ABR: variants seen among roughly 807,000 people sequenced by gnomAD.
ABR encodes the protein ABR activator of RhoGEF and GTPase, also known as active breakpoint cluster region-related protein.
ABR carries 35 observed loss-of-function variants against 107.2 expected under a neutral mutation model. The ratio of observed to expected loss-of-function variants is 0.33; its 90% CI spans 0.25 to 0.43. The LOEUF is 0.43. Among genes scored for constraint, ABR ranks in the 20% least tolerant of loss-of-function variants. ABR has a pLI of 1.00. For missense variants in ABR, 815 were observed against 1,115.2 expected, an observed-to-expected ratio of 0.73 and a Z score of 3.83; for synonymous variants, 498 against 462.0, an observed-to-expected ratio of 1.08 and a Z score of -1.00.
intron 16 of ABR, among the ~76,000 whole-genome samples, chr17:1,034,693 C>T (rs1053137651): frequency 6.6e-5 from 10 of 152,250 alleles, no homozygotes; most frequent in Middle Eastern, 3.4e-3. Flanking sequence ...ATGTAACTGG[C>T]TGGTAGGATG....
Position 1,156,830 on chromosome 17 carries a change from G to C in ABR, c.61+22837C>G, listed in dbSNP as rs199827250. On this transcript the variant is annotated intron_variant, in intron 1 of 22. Transcript: ENST00000302538. ...GATGGACTAACTTGCTCATAGTCAC[G>C]TAGTTACTTAATGGTGAGGCTGGGA... Among the ~76,000 whole-genome samples, 18 of 152,304 alleles carry C rather than the reference G, an allele frequency of 1.2e-4. No individual in the cohort carries two copies. In the East Asian group the frequency reaches 2.9e-3, roughly 24 times the overall value.
At chr17:1,097,886 C>T (rs1439221847) in intron 3 of ABR, among the ~76,000 whole-genome samples, 5 of 152,140 alleles carry the variant, frequency 3.3e-5, no homozygotes, top group African/African-American at 1.2e-4. Flanking sequence ...TTTGCCTGTC[C>T]TCCTTTCTTC....
At chr17:1,187,613 G>T (rs2042336593), upstream of ABR, among the ~76,000 whole-genome samples, 1 of 152,188 alleles carries the variant, frequency 6.6e-6, no homozygotes, top group Non-Finnish European at 1.5e-5. Context: ...AAATGGGCCG[G>T]GTGTGGCAGC....
intron 1 of ABR, among the ~76,000 whole-genome samples, chr17:1,139,830 GA>G (rs1475092908): frequency 6.6e-6 from 1 of 152,130 alleles, no homozygotes; most frequent in Non-Finnish European, 1.5e-5. Flanking sequence ...GGGCTGCCCT[GA>G]GGGGTTCATA....
chr17:1,071,301 C>T lies in ABR; in HGVS notation c.895-1211G>A, dbSNP rs564834171. On this transcript the variant is annotated intron_variant, in intron 8 of 22. Coordinates refer to ENST00000302538, the MANE Select transcript of ABR (RefSeq NM_021962.5). The surrounding 1 kb of genome is among the most constrained non-coding windows in gnomAD (Gnocchi z 5.1). ...AGCCGCACGGAATCGGCTCTCTCTG[C>T]CCAGTGGACACTGTCCAGGCCTGTC... Among the ~76,000 whole-genome samples the T allele has an allele frequency of 6.6e-6, 1 of 152,306 alleles. No homozygotes were observed. The highest frequency in any genetic ancestry group is 1.9e-4 in the East Asian group (1 of 5,186).
chr17:1,057,779 G>T, intron 12 of ABR, 191 bp downstream of exon 12: 1 of 565,926 alleles, frequency 1.8e-6, no homozygotes, highest in Non-Finnish European at 3.2e-6. Context: ...AAATCATCAT[G>T]TCTTTCAGCC....
At chr17:1,174,327 ACAAG>A (rs2041849023) in intron 1 of ABR, among the ~76,000 whole-genome samples, 2 of 152,212 alleles carry the variant, frequency 1.3e-5, no homozygotes, top group Admixed American at 1.3e-4. Context: ...TATTCCGAAA[ACAAG>A]CAAGCATCTG....
intron 1 of ABR, among the ~76,000 whole-genome samples, chr17:1,149,066 TA>T: frequency 6.6e-6 from 1 of 151,166 alleles, no homozygotes; most frequent in South Asian, 2.1e-4. Flanking sequence ...CATGCCTGGC[TA>T]AATTTTTTTG....
chr17:1,146,826 CACG>C (rs1322729702), intron 1 of ABR, among the ~76,000 whole-genome samples: 15 of 148,862 alleles, frequency 1.0e-4, no homozygotes, highest in African/African-American at 2.7e-4. Context: ...ACCACTGCCA[CACG>C]ACACCACTGC....
chr17:1,218,946 C>A (rs996006102), intron 1 of ABR, among the ~76,000 whole-genome samples: 2 of 152,160 alleles, frequency 1.3e-5, no homozygotes, highest in African/African-American at 4.8e-5. Context: ...GCCTTCCACC[C>A]TCACAAATGA....
chr17:1,072,932 G>A (rs924792726), intron 7 of ABR, among the ~76,000 whole-genome samples, 178 bp from the exon 8 acceptor site: 1 of 152,194 alleles, frequency 6.6e-6, no homozygotes, highest in Non-Finnish European at 1.5e-5. Context: ...TGAAATCCCA[G>A]CACTTTGGGA....
intron 1 of ABR, among the ~76,000 whole-genome samples, chr17:1,132,498 C>A (rs1389656134): frequency 6.6e-6 from 1 of 151,604 alleles, no homozygotes. Context: ...CCCGTCTCAG[C>A]CTCCCGAGTA....
intron 16 of ABR, among the ~76,000 whole-genome samples, chr17:1,033,081 A>G (rs530936149): frequency 1.3e-5 from 2 of 152,326 alleles, no homozygotes; most frequent in African/African-American, 4.8e-5. Context: ...TGGTGCTCAC[A>G]AGCACTGTGC....
intron 12 of ABR, 93 bp downstream of exon 12, chr17:1,057,877 A>G: frequency 8.4e-7 from 1 of 1,189,868 alleles, no homozygotes; most frequent in East Asian, 2.3e-5. Context: ...CGAGGGCCAA[A>G]GACGTGATAC....
chr17:1,093,443 T>G (rs544487432), intron 3 of ABR, among the ~76,000 whole-genome samples: 66 of 152,256 alleles, frequency 4.3e-4, no homozygotes, highest in African/African-American at 1.6e-3. Flanking sequence ...CACTCCAGCC[T>G]GGGTGACAGA....
rs568746554 is a variant in ABR, at chr17:1,019,690, C to T, written c.1792-6526G>A. Among the ~76,000 whole-genome samples, 7 of 152,400 alleles carry T rather than the reference C, an allele frequency of 4.6e-5. No homozygotes were observed. The South Asian group carries it at 8.3e-4, about 18-fold the overall frequency. ...AGAGAAACGCTGCTGCCCGCAACTG[C>T]GCTGGCTATTTATAACTCCTGGGAA... On this transcript the variant is annotated intron_variant, in intron 16 of 22. Transcript: ENST00000302538.
In ABR at chr17:1,004,253, C is replaced by G. The variant is rs1406244647; in HGVS notation, c.*1827G>C. The G allele has an allele frequency of 6.6e-6, 1 of 152,358 alleles. No individual in the cohort carries two copies. 9.4% of individuals were successfully genotyped at this position (152,358 alleles called of 1,614,324 possible). On this transcript the variant is annotated 3_prime_UTR_variant, in exon 23 of 23. Coordinates refer to ENST00000302538, the MANE Select transcript of ABR (RefSeq NM_021962.5). ...CCGCCTTTCCCAGGGAGCAAGGGCT[C>G]CTTGCTAAGCTGCTCACAGGCAGCC...
chr17:1,042,323 C>T (rs1056810240), intron 16 of ABR, among the ~76,000 whole-genome samples: 3 of 149,730 alleles, frequency 2.0e-5, no homozygotes, highest in East Asian at 2.0e-4. Flanking sequence ...GCTACATCCA[C>T]AAACGGATGA....
At position 1,037,046 on chromosome 17, in the gene ABR, TCCATCCATCCAC is replaced by T. The variant is rs200700549; in HGVS notation, c.1791+12992_1791+13003del. 0.021 allele frequency among the ~76,000 whole-genome samples: 2,759 copies of T among 132,452 alleles called. 77 individuals carry two copies. Among genetic ancestry groups the T allele is most frequent in the African/African-American group, 0.071 (2,359 of 33,282 alleles). The allele number at this position is 132,452 out of a possible 152,430, so 86.9% of individuals were successfully genotyped here. A position where few individuals can be genotyped will look rare whatever the true frequency, so the allele number is the denominator to read the frequency against. On this transcript the variant is annotated intron_variant, in intron 16 of 22. Transcript: ENST00000302538. This position sits in a 1 kb window ranked among gnomAD's most constrained non-coding sequence, Gnocchi z 4.6. Reference sequence around the variant, plus strand: ...TTCCTTCCATCCATCCACCCATCCATCCATCCATCCACCCATCCATCCACCCACCCACCCATC... The same window carrying T: ...TTCCTTCCATCCATCCACCCATCCATCCATCCATCCACCCACCCACCCATC...
Sources: allele counts gnomAD v4.1 joint callset (sites outside exome capture counted in the v4.1 genomes callset), GRCh38; gene constraint gnomAD v4.1.1; non-coding constraint Gnocchi (gnomAD v3.1); transcripts MANE v1.5; gene names NCBI Gene and HGNC (gene_info 2026-07-23, HGNC 2026-07-21).